RAD23B: variants seen among roughly 807,000 people sequenced by gnomAD.
The protein encoded by RAD23B is RAD23 nucleotide excision repair protein B, also known as lysine-specific demethylase RAD23B.
RAD23B carries 5 observed loss-of-function variants against 49.1 expected under a neutral mutation model. The observed-to-expected ratio is 0.10, with a 90% CI of 0.05 to 0.21. The LOEUF (loss-of-function observed/expected upper bound fraction) is 0.21, where lower values mean the gene tolerates loss of function less well. RAD23B is among the 10% of genes least tolerant of loss of function. RAD23B has a pLI of 1.00. For missense variants in RAD23B, 356 were observed against 486.7 expected (o/e 0.73, Z 2.53); for synonymous variants, 184 against 165.4 (o/e 1.11, Z -0.86).
In RAD23B at chr9:107,331,576, C is replaced by T; in HGVS notation, c.*1920C>T. The T allele has an allele frequency of 1.4e-6, 1 of 691,474 alleles. No individual in the cohort carries two copies. Among genetic ancestry groups the T allele is most frequent in the African/African-American group, 1.8e-5 (1 of 55,750 alleles). The allele number at this position is 691,474 out of a possible 1,614,324, so 42.8% of individuals were successfully genotyped here. On this transcript the variant is annotated 3_prime_UTR_variant, in exon 10 of 10. Transcript: ENST00000358015. Reference sequence around the variant, plus strand: ...AGAATTCATATATACGTTCATCTTTCAAGTCAGAGCAATGAGTTGGGAAAA... The same window carrying T: ...AGAATTCATATATACGTTCATCTTTTAAGTCAGAGCAATGAGTTGGGAAAA...
chr9:107,327,073 A>C (rs1451128100), intron 9 of RAD23B, among the ~76,000 whole-genome samples: 1 of 152,162 alleles, frequency 6.6e-6, no homozygotes, highest in Non-Finnish European at 1.5e-5. Context: ...TCTTTTGATA[A>C]AGTAATAATG....
At chr9:107,293,524 T>C (rs931541427) in intron 1 of RAD23B, among the ~76,000 whole-genome samples, 3 of 152,222 alleles carry the variant, frequency 2.0e-5, no homozygotes, top group Non-Finnish European at 4.4e-5. Flanking sequence ...TACACAATTA[T>C]TTATACTGTA....
chr9:107,283,710 C>A lies in RAD23B; in HGVS notation c.66+15C>A. On this transcript the variant is annotated intron_variant, in intron 1 of 9. Coordinates refer to ENST00000358015, the MANE Select transcript of RAD23B (RefSeq NM_002874.5). ...CCGAGGAGACGGTATGCGCGCGGGCCGGGGGCAGGGGCAGCCGCGTGCGGG... is the reference window on the plus strand; with the variant it reads ...CCGAGGAGACGGTATGCGCGCGGGCAGGGGGCAGGGGCAGCCGCGTGCGGG... The A allele has an allele frequency of 6.9e-7, 1 of 1,456,400 alleles. No homozygotes were observed. Among genetic ancestry groups the A allele is most frequent in the Non-Finnish European group, 9.1e-7 (1 of 1,099,266 alleles). 90.2% of individuals were successfully genotyped at this position (1,456,400 alleles called of 1,614,324 possible).
chr9:107,283,857 C>T (rs988807523), intron 1 of RAD23B, among the ~76,000 whole-genome samples, 162 bp downstream of exon 1: 5 of 152,178 alleles, frequency 3.3e-5, no homozygotes, highest in Non-Finnish European at 5.9e-5. Context: ...CGGAGCCGAT[C>T]CTCCTGTCTT....
chr9:107,320,795 C>G (rs915983948), intron 6 of RAD23B, among the ~76,000 whole-genome samples: 1 of 152,122 alleles, frequency 6.6e-6, no homozygotes, highest in Admixed American at 6.5e-5. Flanking sequence ...AATAACTGCC[C>G]ATCTGAGTTA....
In RAD23B at chr9:107,331,233, T is replaced by G. The variant is rs2133104466; in HGVS notation, c.*1577T>G. Reference sequence around the variant, plus strand: ...AATAAATGAAACTGGCTGGGTATGGTGGCTCATGCCTATAATCCCAGCACT... The same window carrying G: ...AATAAATGAAACTGGCTGGGTATGGGGGCTCATGCCTATAATCCCAGCACT... On this transcript the variant is annotated 3_prime_UTR_variant, in exon 10 of 10. Transcript: ENST00000358015. 6.4e-6 allele frequency: 1 copy of G among 156,370 alleles called. No homozygotes were observed. The highest frequency in any genetic ancestry group is 3.3e-3 in the Middle Eastern group (1 of 302). The allele number at this position is 156,370 out of a possible 1,614,324, so 9.7% of individuals were successfully genotyped here.
rs966855444 is a variant in RAD23B at position 107,329,894 on chromosome 9, C to T, written c.*238C>T. 3.5e-5 allele frequency: 10 copies of T among 285,008 alleles called. No individual in the cohort carries two copies. Among genetic ancestry groups the T allele is most frequent in the Middle Eastern group, 9.7e-4 (1 of 1,028 alleles). The allele number at this position is 285,008 out of a possible 1,614,324, so 17.7% of individuals were successfully genotyped here. A position where few individuals can be genotyped will look rare whatever the true frequency, so the allele number is the denominator to read the frequency against. ...TAAAATATATACAACCAAAAATCAG[C>T]TTTTGCAGGTCTTTATTTCTTCTGT... is the stretch of plus-strand genomic sequence containing the variant. On this transcript the variant is annotated 3_prime_UTR_variant, in exon 10 of 10. Coordinates refer to ENST00000358015, the MANE Select transcript of RAD23B (RefSeq NM_002874.5).
At chr9:107,297,871 T>C (rs1464614165) in intron 1 of RAD23B, among the ~76,000 whole-genome samples, 1 of 152,192 alleles carries the variant, frequency 6.6e-6, no homozygotes, top group Non-Finnish European at 1.5e-5. Flanking sequence ...CTGTCAAGAA[T>C]GAGATATTCC....
At chr9:107,299,683 T>C (rs1323822120) in intron 1 of RAD23B, among the ~76,000 whole-genome samples, 1 of 152,234 alleles carries the variant, frequency 6.6e-6, no homozygotes, top group African/African-American at 2.4e-5. Flanking sequence ...CCCTGGTGAT[T>C]GTAATGAAAC....
In RAD23B at chr9:107,320,220, G is replaced by A. The variant is rs77672827; in HGVS notation, c.681+1341G>A. On this transcript the variant is annotated intron_variant, in intron 6 of 9. Transcript: ENST00000358015. ...CTTTTTCATTATCTTCTTGAGTAGT[G>A]TCTTTAAATGCTGGCAGTTTATCCA... is the stretch of plus-strand genomic sequence containing the variant. 2.7e-3 allele frequency among the ~76,000 whole-genome samples: 413 copies of A among 152,216 alleles called. 2 individuals are homozygous for A. Among genetic ancestry groups the A allele is most frequent in the East Asian group, 0.014 (73 of 5,190 alleles).
chr9:107,289,104 C>T (rs1353124264), intron 1 of RAD23B, among the ~76,000 whole-genome samples: 2 of 100,612 alleles, frequency 2.0e-5, no homozygotes, highest in African/African-American at 3.9e-5. Flanking sequence ...CCCTTCTTCC[C>T]TCCCTCCCTC....
rs1217679250 is a variant in RAD23B at position 107,318,891 on chromosome 9, G to A, written c.681+12G>A. On this transcript the variant is annotated intron_variant, in intron 6 of 9. Coordinates refer to ENST00000358015, the MANE Select transcript of RAD23B (RefSeq NM_002874.5). This position sits in a 1 kb window ranked among gnomAD's most constrained non-coding sequence, Gnocchi z 4.3. Reference sequence around the variant, plus strand: ...AGTATCTTTTAATGGTGAGAAATATGTTTTACTTTACTCCATTCTGTTGTT... The same window carrying A: ...AGTATCTTTTAATGGTGAGAAATATATTTTACTTTACTCCATTCTGTTGTT... 6.2e-7 allele frequency: 1 copy of A among 1,602,636 alleles called. No homozygotes were observed. The highest frequency in any genetic ancestry group is 1.7e-5 in the Admixed American group (1 of 58,370).
chr9:107,321,445 AT>A (rs1168177327), intron 6 of RAD23B, among the ~76,000 whole-genome samples: 1 of 151,956 alleles, frequency 6.6e-6, no homozygotes, highest in African/African-American at 2.4e-5. Flanking sequence ...TCCATTAGAT[AT>A]TTTTTCCCCC....
At chr9:107,311,828 G>T (rs984746819) in intron 5 of RAD23B, 91 bp downstream of exon 5, 3 of 967,056 alleles carry the variant, frequency 3.1e-6, no homozygotes, top group South Asian at 1.6e-5. Context: ...TTAATAATTT[G>T]CATGGTTGTT....
chr9:107,288,975 A>G (rs370422202), intron 1 of RAD23B, among the ~76,000 whole-genome samples: 1 of 152,098 alleles, frequency 6.6e-6, no homozygotes, highest in South Asian at 2.1e-4. Flanking sequence ...AACATTTACA[A>G]GCAGGACAGA....
Position 107,306,654 on chromosome 9 carries a change from A to C in RAD23B, c.497+7A>C, listed in dbSNP as rs1826783066. ...GCCCAACAGCAACTGACAGGTAGGA[A>C]CTGGATTCTAGGACATTCTATCTCA... On this transcript the variant is annotated splice_region_variant and intron_variant, in intron 4 of 9. Transcript: ENST00000358015. 1 of 1,609,598 alleles carries C rather than the reference A, an allele frequency of 6.2e-7. No homozygotes were observed. The highest frequency in any genetic ancestry group is 1.3e-5 in the African/African-American group (1 of 74,692).
At chr9:107,284,824 ATTTG>A in intron 1 of RAD23B, 2 of 1,216,350 alleles carry the variant, frequency 1.6e-6, no homozygotes, top group Non-Finnish European at 2.2e-6. Flanking sequence ...TTTGTAACTT[ATTTG>A]CTATGACCTT....
intron 1 of RAD23B, among the ~76,000 whole-genome samples, chr9:107,287,593 G>C (rs967709436): frequency 2.6e-5 from 4 of 152,100 alleles, no homozygotes; most frequent in Non-Finnish European, 5.9e-5. Context: ...CCAGCACCTT[G>C]GGAAGCCGAG....
At chr9:107,290,508 G>C (rs10732368) in intron 1 of RAD23B, among the ~76,000 whole-genome samples, 84,134 of 151,918 alleles carry the variant, frequency 0.55, 23,487 homozygotes, top group East Asian at 0.75. Context: ...GCTCTTTTCA[G>C]ATCCACCATA....
Sources: gnomAD v4.1 joint callset for allele counts (sites outside exome capture counted in the v4.1 genomes callset) on GRCh38, gnomAD v4.1.1 for gene constraint, Gnocchi (gnomAD v3.1) non-coding constraint, MANE v1.5 for transcripts, NCBI Gene and HGNC (gene_info 2026-07-23, HGNC 2026-07-21) for gene names.